Variants in BACH2 observed in about 807,000 individuals in gnomAD.
BACH2 encodes transcription regulator protein BACH2.
Under a neutral mutation model 61.8 loss-of-function variants are expected in BACH2, and 5 were observed. That is an observed-to-expected ratio of 0.08 (90% CI 0.04 to 0.17). BACH2 has a LOEUF of 0.17. Ranked by LOEUF, BACH2 falls within the 10% of genes least tolerant of loss-of-function variation. The pLI is 1.00. For missense variants in BACH2, 824 were observed against 1,091.1 expected (o/e 0.76, Z 3.45); for synonymous variants, 446 against 440.1 (o/e 1.01, Z -0.17).
intron 6 of BACH2, among the ~76,000 whole-genome samples, chr6:89,964,971 C>T (rs1398407899): frequency 2.0e-5 from 3 of 152,110 alleles, no homozygotes; most frequent in Admixed American, 6.6e-5. Flanking sequence ...CTGCAGCCTC[C>T]GCCTCCAGGT....
intron 1 of BACH2, among the ~76,000 whole-genome samples, chr6:90,272,362 T>G (rs1771553025): frequency 6.6e-6 from 1 of 152,084 alleles, no homozygotes; most frequent in Non-Finnish European, 1.5e-5. Context: ...CCAAGGACAC[T>G]TTTTAAGGCC....
At chr6:90,199,601 C>T (rs1384820245) in intron 4 of BACH2, among the ~76,000 whole-genome samples, 5 of 152,242 alleles carry the variant, frequency 3.3e-5, no homozygotes, top group Non-Finnish European at 7.4e-5. Context: ...CTATTTTCTT[C>T]CGGAAACTTC....
chr6:89,956,506 C>T (rs1376006631), intron 6 of BACH2, among the ~76,000 whole-genome samples: 1 of 152,186 alleles, frequency 6.6e-6, no homozygotes, highest in Admixed American at 6.5e-5. Flanking sequence ...TCCTTCATTA[C>T]ATTGGATTCT....
At chr6:90,188,082 G>T (rs1300237497) in intron 4 of BACH2, among the ~76,000 whole-genome samples, 1 of 152,206 alleles carries the variant, frequency 6.6e-6, no homozygotes, top group African/African-American at 2.4e-5. Context: ...ACATATGGCT[G>T]CCAGTTGGGC....
At chr6:90,147,314 C>T (rs1784655565) in intron 4 of BACH2, among the ~76,000 whole-genome samples, 1 of 152,190 alleles carries the variant, frequency 6.6e-6, no homozygotes, top group South Asian at 2.1e-4. Context: ...TTTTCTGCCA[C>T]GTCCCTGCTC....
At chr6:90,165,066 C>T (rs1192362105) in intron 4 of BACH2, among the ~76,000 whole-genome samples, 1 of 152,084 alleles carries the variant, frequency 6.6e-6, no homozygotes, top group Non-Finnish European at 1.5e-5. Flanking sequence ...CTGGCCAGGG[C>T]AATTAGGCAG....
chr6:90,094,994 C>A (rs893889805), intron 4 of BACH2, among the ~76,000 whole-genome samples: 2 of 152,168 alleles, frequency 1.3e-5, no homozygotes, highest in African/African-American at 4.8e-5. Context: ...CCATTATCTT[C>A]TTTTTAAAAA....
intron 5 of BACH2, among the ~76,000 whole-genome samples, chr6:90,042,311 G>C (rs990861793): frequency 1.3e-5 from 2 of 151,942 alleles, no homozygotes; most frequent in Non-Finnish European, 2.9e-5. Context: ...TCCCTCCTCA[G>C]CTTCCCGAAT....
intron 6 of BACH2, among the ~76,000 whole-genome samples, chr6:89,969,092 T>C (rs1381763046): frequency 2.7e-5 from 4 of 150,170 alleles, no homozygotes; most frequent in Admixed American, 1.3e-4. Context: ...TCACTCTTGT[T>C]GCCCAGGCTG....
At chr6:90,219,463 T>C (rs972182781) in intron 3 of BACH2, among the ~76,000 whole-genome samples, 5 of 152,188 alleles carry the variant, frequency 3.3e-5, no homozygotes, top group African/African-American at 1.2e-4. Context: ...TCTTTTCCGC[T>C]CTTCTCTTCC....
rs1033626714 is a variant in BACH2 at position 90,105,544 on chromosome 6, A to G, written c.-161-16435T>C. Among the ~76,000 whole-genome samples the G allele has an allele frequency of 5.9e-5, 9 of 152,250 alleles. No homozygotes were observed. The East Asian group carries it at 1.7e-3, about 29-fold the overall frequency. Reference sequence around the variant, plus strand: ...GTAAGGACCAAAACATAGGCAGGAAAATAAAAATACCAATGAACATTAGGC... The same window carrying G: ...GTAAGGACCAAAACATAGGCAGGAAGATAAAAATACCAATGAACATTAGGC... On this transcript the variant is annotated intron_variant, in intron 4 of 8. Coordinates refer to ENST00000257749, the MANE Select transcript of BACH2 (RefSeq NM_021813.4).
intron 5 of BACH2, among the ~76,000 whole-genome samples, chr6:90,026,299 G>A (rs761443810): frequency 2.0e-5 from 3 of 152,152 alleles, no homozygotes; most frequent in South Asian, 2.1e-4. Flanking sequence ...AGAGGAGAAC[G>A]CTATCAAAGT....
At chr6:90,157,950 T>C (rs1476506276) in intron 4 of BACH2, among the ~76,000 whole-genome samples, 1 of 152,090 alleles carries the variant, frequency 6.6e-6, no homozygotes, top group Non-Finnish European at 1.5e-5. Context: ...AAAGATAAAA[T>C]TGCAACTGTA....
intron 6 of BACH2, among the ~76,000 whole-genome samples, chr6:89,998,242 G>C (rs1026976452): frequency 6.6e-6 from 1 of 151,894 alleles, no homozygotes. Flanking sequence ...TTTGCTGCCA[G>C]TCAGTCAAAA....
chr6:90,090,245 T>G (rs573011907), intron 4 of BACH2, among the ~76,000 whole-genome samples: 271 of 152,302 alleles, frequency 1.8e-3, no homozygotes, highest in African/African-American at 6.1e-3. Context: ...TCCCTCATTT[T>G]TGGAGTTGCA....
At chr6:90,080,241 G>A (rs994837976) in intron 5 of BACH2, among the ~76,000 whole-genome samples, 1 of 152,194 alleles carries the variant, frequency 6.6e-6, no homozygotes, top group Non-Finnish European at 1.5e-5. Context: ...TGTGAGGAGT[G>A]ATTTTGCCAA....
intron 4 of BACH2, among the ~76,000 whole-genome samples, chr6:90,100,281 C>A (rs1008224013): frequency 6.6e-6 from 1 of 152,122 alleles, no homozygotes; most frequent in Non-Finnish European, 1.5e-5. Flanking sequence ...TTTCAATTTA[C>A]TTGGATATAT....
chr6:90,255,697 T>C (rs1770954382), intron 2 of BACH2, among the ~76,000 whole-genome samples: 1 of 152,258 alleles, frequency 6.6e-6, no homozygotes, highest in South Asian at 2.1e-4. Flanking sequence ...ATAAGGGTAC[T>C]AGCTAGAAGC....
chr6:90,258,742 T>C (rs964975762), intron 2 of BACH2, among the ~76,000 whole-genome samples: 7 of 152,230 alleles, frequency 4.6e-5, no homozygotes, highest in African/African-American at 1.7e-4. Flanking sequence ...CTTTCATTAA[T>C]GTTTTATAGT....
Sources: gnomAD v4.1 joint callset for allele counts (sites outside exome capture counted in the v4.1 genomes callset) on GRCh38, gnomAD v4.1.1 for gene constraint, MANE v1.5 for transcripts, NCBI Gene and HGNC (gene_info 2026-07-23, HGNC 2026-07-21) for gene names.